ANKMY1: variants seen among roughly 807,000 people sequenced by gnomAD.
ANKMY1 encodes ankyrin repeat and MYND domain containing 1, also known as ankyrin repeat and MYND domain-containing protein 1.
In ANKMY1, 98 loss-of-function variants were observed where a neutral mutation model predicts 102.0. The ratio of observed to expected loss-of-function variants is 0.96; its 90% CI spans 0.82 to 1.14. The LOEUF (loss-of-function observed/expected upper bound fraction) is 1.14, where lower values mean the gene tolerates loss of function less well. Among genes scored for constraint, ANKMY1 ranks in the 50% most tolerant of loss-of-function variants. The pLI, the probability that ANKMY1 is intolerant of heterozygous loss-of-function variation, is 0.00. For synonymous variants in ANKMY1, 582 were observed against 559.9 expected, an observed-to-expected ratio of 1.04 and a Z score of -0.56; for missense variants, 1,330 against 1,347.6, an observed-to-expected ratio of 0.99 and a Z score of 0.20.
intron 12 of ANKMY1, among the ~76,000 whole-genome samples, chr2:240,508,865 A>G (rs1313460524): frequency 6.6e-6 from 1 of 151,808 alleles, no homozygotes; most frequent in Non-Finnish European, 1.5e-5. Context: ...TGGATGGATG[A>G]ATGGATGGAT....
the ANKMY1 span, among the ~76,000 whole-genome samples, chr2:240,473,556 A>T: frequency 6.6e-6 from 1 of 152,264 alleles, no homozygotes; most frequent in African/African-American, 2.4e-5. Context: ...ACCAACAAGA[A>T]AATAAATATG....
rs1386296108 is a variant in ANKMY1 at position 240,506,556 on chromosome 2, T to G, written c.2526+1004A>C. On this transcript the variant is annotated intron_variant, in intron 13 of 17. Transcript: ENST00000401804. This position sits in a 1 kb window ranked among gnomAD's most constrained non-coding sequence, Gnocchi z 4.9. ...TCAGTTCTTTTAAGTAAAGCTACCC[T>G]TTTGTGACGTCAAACAACCTTCCAG... 6.6e-6 allele frequency among the ~76,000 whole-genome samples: 1 copy of G among 152,154 alleles called. No homozygotes were observed. Among genetic ancestry groups the G allele is most frequent in the Non-Finnish European group, 1.5e-5 (1 of 68,032 alleles).
chr2:240,522,199 T>G (rs939094410), intron 8 of ANKMY1: 7 of 152,204 alleles, frequency 4.6e-5, no homozygotes, highest in Admixed American at 4.6e-4. Flanking sequence ...CACTGAGCAT[T>G]GATTGGTGCA....
At chr2:240,486,141 T>G (rs992722134) in intron 15 of ANKMY1, among the ~76,000 whole-genome samples, 6 of 152,186 alleles carry the variant, frequency 3.9e-5, no homozygotes, top group Non-Finnish European at 7.3e-5. Context: ...ATCAAAATCA[T>G]TTACCATTTC....
intron 4 of ANKMY1, among the ~76,000 whole-genome samples, chr2:240,541,000 G>A (rs2088601626): frequency 6.6e-6 from 1 of 152,158 alleles, no homozygotes; most frequent in Non-Finnish European, 1.5e-5. Flanking sequence ...TGTCCTTTGT[G>A]GGCCCAAACA....
rs745393337 is a variant in ANKMY1 at position 240,524,217 on chromosome 2, G to A, written c.1500C>T (p.Gly500=). ...LLPRVSGSHE[G]GHFQDTGQCG... ...ACTGCCCGGTGTCCTGGAAGTGGCC[G>A]CCCTCGTGGCTGCCTGAGACGCGTG... Residue 500 remains glycine, a synonymous_variant, in exon 8 of 18, where the codon GGC becomes GGT. Transcript: ENST00000401804. 46 of 1,613,756 alleles carry A rather than the reference G, an allele frequency of 2.9e-5. No homozygotes were observed. The highest frequency in any genetic ancestry group is 4.0e-5 in the African/African-American group (3 of 74,912).
At chr2:240,545,523 G>T (rs1175743681) in intron 4 of ANKMY1, among the ~76,000 whole-genome samples, 1 of 152,222 alleles carries the variant, frequency 6.6e-6, no homozygotes, top group African/African-American at 2.4e-5. Context: ...TGACTTTGAC[G>T]AGCTGAGAGA....
chr2:240,547,741 G>A (rs1319996206), intron 4 of ANKMY1, among the ~76,000 whole-genome samples: 42 of 147,802 alleles, frequency 2.8e-4, no homozygotes, highest in Admixed American at 2.1e-3. Context: ...ACACCTCTAC[G>A]CAAATAAACT....
At chr2:240,560,804 GGC>G, upstream of ANKMY1, 1 of 1,443,110 alleles carries the variant, frequency 6.9e-7, no homozygotes. Context: ...AGGAGCAGCT[GGC>G]GCGCGCGGGA....
chr2:240,517,769 G>T (rs973963986), intron 9 of ANKMY1, among the ~76,000 whole-genome samples: 2 of 152,134 alleles, frequency 1.3e-5, no homozygotes, highest in East Asian at 3.9e-4. Context: ...TTATACCACT[G>T]CACTGCAGCC....
chr2:240,521,245 C>T (rs149144573), intron 8 of ANKMY1, among the ~76,000 whole-genome samples: 4 of 152,260 alleles, frequency 2.6e-5, no homozygotes, highest in Non-Finnish European at 4.4e-5. Flanking sequence ...GAATCGGAGC[C>T]GCGGGAACTA....
At chr2:240,548,649 A>T (rs1415131029) in intron 4 of ANKMY1, among the ~76,000 whole-genome samples, 1 of 151,942 alleles carries the variant, frequency 6.6e-6, no homozygotes, top group Non-Finnish European at 1.5e-5. Context: ...TTAAGCTGAT[A>T]AGCAACTTCA....
At chr2:240,535,240 T>A (rs564136285) in intron 4 of ANKMY1, among the ~76,000 whole-genome samples, 11 of 152,218 alleles carry the variant, frequency 7.2e-5, no homozygotes, top group South Asian at 4.1e-4. Flanking sequence ...AGGAAATACA[T>A]TGGTTTAGTT....
chr2:240,483,893 T>C (rs933159428), intron 15 of ANKMY1, among the ~76,000 whole-genome samples: 1 of 152,178 alleles, frequency 6.6e-6, no homozygotes, highest in African/African-American at 2.4e-5. Context: ...TGTCCATATG[T>C]CCTCATTGTT....
rs201536200 is a variant in ANKMY1 at position 240,529,470 on chromosome 2, C to T, written c.520G>A (p.Glu174Lys). The change falls in exon 5 of 18, where the codon GAG becomes AAG. Residue 174 changes from glutamate (E) to lysine (K), a missense_variant. Transcript: ENST00000401804. The surrounding 1 kb of genome is among the most constrained non-coding windows in gnomAD (Gnocchi z 4.2). ...KADQRFGPGV[E>K]TYPDGSQDVG... ...TCCTGGCTGCCATCGGGGTAGGTCT[C>T]GACACCTGGCCCAAACCGCTGGTCC... The T allele has an allele frequency of 2.4e-4, 383 of 1,613,712 alleles. No homozygotes were observed. The highest frequency in any genetic ancestry group is 3.3e-4 in the Middle Eastern group (2 of 6,016).
chr2:240,508,984 G>A (rs189998138), intron 12 of ANKMY1, among the ~76,000 whole-genome samples: 1 of 152,240 alleles, frequency 6.6e-6, no homozygotes, highest in East Asian at 1.9e-4. Context: ...AAGGATGGAT[G>A]TATAGATGGA....
downstream of ANKMY1, among the ~76,000 whole-genome samples, chr2:240,474,621 C>G (rs2074737258): frequency 6.6e-6 from 1 of 152,038 alleles, no homozygotes. Flanking sequence ...TTTTTGTATC[C>G]AAATGTTTTA....
At chr2:240,553,191 T>G (rs976281733) in intron 3 of ANKMY1, 134 bp from the exon 4 acceptor site, 12 of 1,077,322 alleles carry the variant, frequency 1.1e-5, no homozygotes, top group Non-Finnish European at 1.6e-5. Flanking sequence ...CAGGGATGCC[T>G]GGCATGCGAC....
intron 15 of ANKMY1, among the ~76,000 whole-genome samples, chr2:240,495,598 T>C (rs145705442): frequency 7.7e-4 from 117 of 152,264 alleles, no homozygotes; most frequent in African/African-American, 2.1e-3. Flanking sequence ...TTACCTATCA[T>C]TGGAGATGGC....
Sources: gnomAD v4.1 joint callset for allele counts (sites outside exome capture counted in the v4.1 genomes callset) on GRCh38, gnomAD v4.1.1 for gene constraint, Gnocchi (gnomAD v3.1) non-coding constraint, MANE v1.5 for transcripts, NCBI Gene and HGNC (gene_info 2026-07-23, HGNC 2026-07-21) for gene names.